Variants in RYR2 observed in about 807,000 individuals in gnomAD.
RYR2 encodes the protein ryanodine receptor 2.
A neutral mutation model predicts 601.1 loss-of-function variants in RYR2; 227 were observed. The ratio of observed to expected loss-of-function variants is 0.38; its 90% confidence interval spans 0.34 to 0.42. RYR2 has a LOEUF of 0.42. Ranked by LOEUF, RYR2 falls within the 10% of genes least tolerant of loss-of-function variation. RYR2 has a pLI of 1.00. For missense variants in RYR2, 4,646 were observed against 6,156.5 expected, an observed-to-expected ratio of 0.75 and a Z score of 8.21; for synonymous variants, 2,223 against 2,175.1, an observed-to-expected ratio of 1.02 and a Z score of -0.61.
intron 79 of RYR2, among the ~76,000 whole-genome samples, chr1:237,736,971 A>C (rs1034751752): frequency 8.5e-5 from 13 of 152,070 alleles, no homozygotes; most frequent in Admixed American, 6.5e-4. Flanking sequence ...GCTTGTAAGG[A>C]AATGAAGAAA....
chr1:237,111,982 C>CA (rs1669524418), intron 1 of RYR2, among the ~76,000 whole-genome samples: 1 of 152,102 alleles, frequency 6.6e-6, no homozygotes, highest in African/African-American at 2.4e-5. Flanking sequence ...CAGCAGCTGT[C>CA]ATTGGTTGGG....
At chr1:237,139,701 T>C (rs1452362586) in intron 1 of RYR2, among the ~76,000 whole-genome samples, 1 of 152,196 alleles carries the variant, frequency 6.6e-6, no homozygotes, top group African/African-American at 2.4e-5. Context: ...TAGAGTCACC[T>C]CTTCTGGCAT....
chr1:237,707,051 A>G lies in RYR2; in HGVS notation c.9683A>G (p.Tyr3228Cys). ...IVELAESGIR[Y>C]TQMPHVMEVI... ...GAATTAGCCGAGTCCGGCATTCGCT[A>G]CACTCAAATGCCACATGTCATGGAA... Residue 3228 changes from tyrosine to cysteine, a missense_variant, in exon 68 of 105, where the codon TAC becomes TGC. Physicochemically the swap from Tyr to Cys is radical, Grantham distance 194. Coordinates refer to ENST00000366574, the MANE Select transcript of RYR2 (RefSeq NM_001035.3). The G allele has an allele frequency of 6.2e-7, 1 of 1,613,732 alleles. No homozygotes were observed. The highest frequency in any genetic ancestry group is 8.5e-7 in the Non-Finnish European group (1 of 1,179,630).
intron 2 of RYR2, among the ~76,000 whole-genome samples, chr1:237,311,018 A>G (rs1694500253): frequency 1.3e-5 from 2 of 152,222 alleles, no homozygotes; most frequent in African/African-American, 2.4e-5. Flanking sequence ...CGATGAAGTT[A>G]CTAGATGGTG....
chr1:237,660,845 T>G lies in RYR2; in HGVS notation c.8334T>G (p.Ser2778=). The change falls in exon 56 of 105, where the codon TCT becomes TCG. Residue 2778 remains serine (S), a synonymous_variant. Coordinates refer to ENST00000366574, the MANE Select transcript of RYR2 (RefSeq NM_001035.3). ...TTTATCGCTGGCCAATCAAAGAATC[T>G]TTAAAAACTATGCTGGCTTGGGGCT... ...KEIYRWPIKE[S]LKTMLAWGWR... 6.5e-7 allele frequency: 1 copy of G among 1,547,278 alleles called. No homozygotes were observed. The highest frequency in any genetic ancestry group is 8.7e-7 in the Non-Finnish European group (1 of 1,144,280).
At chr1:237,623,663 A>G (rs1202146420) in intron 38 of RYR2, 102 bp from the exon 39 acceptor site, 1 of 679,814 alleles carries the variant, frequency 1.5e-6, no homozygotes, top group African/African-American at 1.8e-5. Context: ...GAGTGCTGGG[A>G]TTACAGGCAT....
At chr1:237,746,841 A>G (rs1692122139) in intron 80 of RYR2, among the ~76,000 whole-genome samples, 1 of 152,116 alleles carries the variant, frequency 6.6e-6, no homozygotes, top group South Asian at 2.1e-4. Flanking sequence ...TAGCTTTTTA[A>G]TTTTTGCTAA....
chr1:237,816,721 C>T (rs1221830994), intron 100 of RYR2, among the ~76,000 whole-genome samples: 1 of 151,808 alleles, frequency 6.6e-6, no homozygotes, highest in Non-Finnish European at 1.5e-5. Flanking sequence ...AAAAGCAATC[C>T]AGTTCTTAAT....
chr1:237,622,901 C>T (rs1679221468), intron 38 of RYR2, among the ~76,000 whole-genome samples: 1 of 152,100 alleles, frequency 6.6e-6, no homozygotes, highest in Admixed American at 6.5e-5. Flanking sequence ...GTATTCCAAA[C>T]TCTGAAAAAG....
At chr1:237,046,847 T>A (rs1010565890) in intron 1 of RYR2, among the ~76,000 whole-genome samples, 1 of 152,220 alleles carries the variant, frequency 6.6e-6, no homozygotes, top group South Asian at 2.1e-4. Flanking sequence ...TCAGAAAACA[T>A]TTGTTGAACA....
rs779799492 is a variant in RYR2 at position 237,377,413 on chromosome 1, G to C, written c.554G>C (p.Ser185Thr). The C allele has an allele frequency of 1.2e-6, 2 of 1,613,636 alleles. No homozygotes were observed. The highest frequency in any genetic ancestry group is 1.7e-6 in the Non-Finnish European group (2 of 1,179,624). Residue 185 changes from serine (S) to threonine (T), a missense_variant, in exon 8 of 105, where the codon AGC (serine) becomes ACC (threonine). Coordinates refer to ENST00000366574, the MANE Select transcript of RYR2 (RefSeq NM_001035.3). ...VRVGDDLILV[S>T]VSSERYLHLS... is the part of the protein sequence containing the mutation. Reference sequence around the variant, plus strand: ...GTTGGAGATGACCTCATCTTAGTTAGCGTGTCCTCTGAAAGGTACTTGGTA... The same window carrying C: ...GTTGGAGATGACCTCATCTTAGTTACCGTGTCCTCTGAAAGGTACTTGGTA...
chr1:237,159,524 C>G (rs1675775511), intron 1 of RYR2, among the ~76,000 whole-genome samples: 1 of 151,794 alleles, frequency 6.6e-6, no homozygotes, highest in Admixed American at 6.6e-5. Context: ...TCCTCACATA[C>G]TTACTTAAAT....
intron 1 of RYR2, among the ~76,000 whole-genome samples, chr1:237,082,973 T>C (rs976841585): frequency 6.6e-6 from 1 of 152,206 alleles, no homozygotes; most frequent in African/African-American, 2.4e-5. Context: ...GACGATTTAC[T>C]TTCTGTAAGC....
At chr1:237,378,737 G>T (rs1389354168) in intron 8 of RYR2, among the ~76,000 whole-genome samples, 1 of 152,220 alleles carries the variant, frequency 6.6e-6, no homozygotes, top group African/African-American at 2.4e-5. Flanking sequence ...TGGGGATGTT[G>T]TAAGTCAGTT....
intron 10 of RYR2, among the ~76,000 whole-genome samples, chr1:237,412,943 A>T (rs1439694042): frequency 6.6e-6 from 1 of 152,124 alleles, no homozygotes; most frequent in East Asian, 1.9e-4. Context: ...TTGATACTTG[A>T]AATGCATTGC....
rs1313775731 is a variant in RYR2, at chr1:237,238,418, C to A, written c.49-32079C>A. 2.6e-5 allele frequency among the ~76,000 whole-genome samples: 4 copies of A among 152,096 alleles called. No individual in the cohort carries two copies. In the East Asian group the frequency reaches 7.7e-4, roughly 29 times the overall value. Reference sequence around the variant, plus strand: ...TTGAGGTCCTTCTGTAACTTCTGTCCCTCTAAAATGTATAAAATCAAGCTG... The same window carrying A: ...TTGAGGTCCTTCTGTAACTTCTGTCACTCTAAAATGTATAAAATCAAGCTG... On this transcript the variant is annotated intron_variant, in intron 1 of 104. Coordinates refer to ENST00000366574, the MANE Select transcript of RYR2 (RefSeq NM_001035.3).
intron 2 of RYR2, among the ~76,000 whole-genome samples, chr1:237,330,101 TC>T (rs1018238595): frequency 1.3e-5 from 2 of 152,242 alleles, no homozygotes; most frequent in African/African-American, 4.8e-5. Flanking sequence ...AATTTTTTTA[TC>T]AGCAAACTGA....
chr1:237,354,390 G>A (rs551670265), intron 3 of RYR2, among the ~76,000 whole-genome samples: 2 of 152,034 alleles, frequency 1.3e-5, no homozygotes, highest in African/African-American at 4.8e-5. Context: ...ACATGCAGAA[G>A]TGAACCTGAT....
At chr1:237,255,041 T>C (rs1687820698) in intron 1 of RYR2, among the ~76,000 whole-genome samples, 1 of 152,208 alleles carries the variant, frequency 6.6e-6, no homozygotes, top group Admixed American at 6.5e-5. Flanking sequence ...GAAAACTTTC[T>C]TATCCTCAGC....
Sources: allele counts gnomAD v4.1 joint callset (sites outside exome capture counted in the v4.1 genomes callset), GRCh38; gene constraint gnomAD v4.1.1; transcripts MANE v1.5; gene names NCBI Gene and HGNC (gene_info 2026-07-23, HGNC 2026-07-21).